The following SNTG1 variants were observed in gnomAD, a reference collection of about 807,000 sequenced individuals.
SNTG1 encodes syntrophin gamma 1.
In SNTG1, 39 loss-of-function variants were observed where a neutral mutation model predicts 74.7. That is an observed-to-expected ratio of 0.52 (90% CI 0.40 to 0.68). The LOEUF (loss-of-function observed/expected upper bound fraction) is 0.68. Ranked by LOEUF, SNTG1 falls within the 30% of genes least tolerant of loss-of-function variation. The probability of loss-of-function intolerance (pLI) is 0.00; values close to 1 mark genes in which losing one functional copy is unlikely to be tolerated. For missense variants in SNTG1, 685 were observed against 609.5 expected, an observed-to-expected ratio of 1.12 and a Z score of -1.30; for synonymous variants, 254 against 217.1, an observed-to-expected ratio of 1.17 and a Z score of -1.49.
At chr8:49,923,404 T>C (rs1195176278) in intron 1 of SNTG1, among the ~76,000 whole-genome samples, 2 of 152,154 alleles carry the variant, frequency 1.3e-5, no homozygotes, top group Non-Finnish European at 2.9e-5. Flanking sequence ...ACATTATTTT[T>C]ATAAGCATAT....
At chr8:50,363,217 A>G (rs964700740) in intron 2 of SNTG1, among the ~76,000 whole-genome samples, 1 of 152,160 alleles carries the variant, frequency 6.6e-6, no homozygotes, top group Non-Finnish European at 1.5e-5. Flanking sequence ...TTTATGAAGA[A>G]ACTATCAAGT....
intron 15 of SNTG1, among the ~76,000 whole-genome samples, chr8:50,671,144 A>G (rs528934639): frequency 1.3e-5 from 2 of 152,210 alleles, no homozygotes; most frequent in East Asian, 3.9e-4. Flanking sequence ...CAAGGACTTC[A>G]TGTCTAAAAA....
intron 16 of SNTG1, chr8:50,707,991 A>C: frequency 2.8e-6 from 1 of 352,138 alleles, no homozygotes; most frequent in Non-Finnish European, 5.1e-6. Context: ...TCACGAGGTC[A>C]GGCGTTCGAG....
At chr8:50,134,526 T>C (rs1484370604) in intron 1 of SNTG1, among the ~76,000 whole-genome samples, 1 of 152,204 alleles carries the variant, frequency 6.6e-6, no homozygotes, top group East Asian at 1.9e-4. Flanking sequence ...GGAAAGCTTT[T>C]TTTTAAATAG....
chr8:50,135,527 C>A (rs371230144), intron 1 of SNTG1, among the ~76,000 whole-genome samples: 1 of 152,062 alleles, frequency 6.6e-6, no homozygotes, highest in South Asian at 2.1e-4. Flanking sequence ...CAGTAGGAAG[C>A]AAGAACTATT....
chr8:50,458,359 T>C (rs1301195829), intron 8 of SNTG1, among the ~76,000 whole-genome samples: 1 of 152,192 alleles, frequency 6.6e-6, no homozygotes, highest in Admixed American at 6.5e-5. Flanking sequence ...CTCTTGGATA[T>C]TAACACTTTG....
chr8:50,766,240 A>G (rs1201254197), intron 18 of SNTG1, among the ~76,000 whole-genome samples: 1 of 152,000 alleles, frequency 6.6e-6, no homozygotes, highest in African/African-American at 2.4e-5. Context: ...CAAATTTTCT[A>G]TTTCTTGCTC....
At chr8:50,027,098 C>A (rs1201303002) in intron 1 of SNTG1, among the ~76,000 whole-genome samples, 2 of 152,106 alleles carry the variant, frequency 1.3e-5, no homozygotes, top group Non-Finnish European at 2.9e-5. Context: ...GACCATTCGA[C>A]ACATTATTTC....
chr8:50,246,054 T>A (rs1338292057), intron 2 of SNTG1, among the ~76,000 whole-genome samples: 1 of 151,460 alleles, frequency 6.6e-6, no homozygotes, highest in Non-Finnish European at 1.5e-5. Flanking sequence ...GTGGAAAACA[T>A]TAAATAATCC....
At chr8:50,411,744 C>T (rs2092952096) in intron 4 of SNTG1, among the ~76,000 whole-genome samples, 3 of 152,116 alleles carry the variant, frequency 2.0e-5, no homozygotes, top group South Asian at 4.1e-4. Flanking sequence ...GGGACATTTA[C>T]GTTCCTAATT....
chr8:50,090,266 A>G (rs2079670724), intron 1 of SNTG1, among the ~76,000 whole-genome samples: 1 of 152,114 alleles, frequency 6.6e-6, no homozygotes, highest in African/African-American at 2.4e-5. Flanking sequence ...ATAAAAGGGG[A>G]ATTGGTTGGC....
chr8:50,639,168 C>T (rs1287388811), intron 13 of SNTG1, among the ~76,000 whole-genome samples: 1 of 150,726 alleles, frequency 6.6e-6, no homozygotes, highest in Admixed American at 6.6e-5. Context: ...TCTGTAAGAG[C>T]AGTTCATTAT....
chr8:50,376,360 T>C (rs905846725), intron 2 of SNTG1, among the ~76,000 whole-genome samples: 1 of 152,188 alleles, frequency 6.6e-6, no homozygotes, highest in Non-Finnish European at 1.5e-5. Context: ...TATTTTCATA[T>C]CATCTTACTG....
chr8:50,561,073 A>G (rs566985622), intron 12 of SNTG1, among the ~76,000 whole-genome samples: 6 of 152,192 alleles, frequency 3.9e-5, no homozygotes, highest in African/African-American at 1.4e-4. Flanking sequence ...TGTAATCCCC[A>G]TGTGTCAGAG....
chr8:50,311,369 C>T (rs2090104925), intron 2 of SNTG1, among the ~76,000 whole-genome samples: 1 of 152,172 alleles, frequency 6.6e-6, no homozygotes, highest in African/African-American at 2.4e-5. Flanking sequence ...TGATCAACCA[C>T]CAACTTCACA....
At chr8:50,632,204 G>T (rs189576360) in intron 13 of SNTG1, among the ~76,000 whole-genome samples, 1 of 151,586 alleles carries the variant, frequency 6.6e-6, no homozygotes, top group Non-Finnish European at 1.5e-5. Context: ...TTAAAGGATG[G>T]GTAAAAGCTT....
At chr8:50,541,242 C>CGTGTGT (rs1355277110) in intron 11 of SNTG1, among the ~76,000 whole-genome samples, 242 of 106,384 alleles carry the variant, frequency 2.3e-3, no homozygotes, top group South Asian at 0.014. Flanking sequence ...TAAGATTTTA[C>CGTGTGT]CTGTGTGTGT....
At chr8:50,064,654 T>A (rs895568532) in intron 1 of SNTG1, among the ~76,000 whole-genome samples, 8 of 152,324 alleles carry the variant, frequency 5.3e-5, no homozygotes, top group African/African-American at 1.9e-4. Context: ...TCATTTCTCC[T>A]GAATATGGGT....
At chr8:50,508,723 A>T (rs2094033932) in intron 9 of SNTG1, among the ~76,000 whole-genome samples, 1 of 152,128 alleles carries the variant, frequency 6.6e-6, no homozygotes, top group Admixed American at 6.5e-5. Flanking sequence ...GTCTTCTTTC[A>T]AGAAGTATCT....
Sources: allele counts gnomAD v4.1 joint callset (sites outside exome capture counted in the v4.1 genomes callset), GRCh38; gene constraint gnomAD v4.1.1; transcripts MANE v1.5; gene names NCBI Gene and HGNC (gene_info 2026-07-23, HGNC 2026-07-21).